The following NCK2 variants were observed in gnomAD, a reference collection of about 807,000 sequenced individuals.
NCK2 encodes the protein cytoplasmic protein NCK2.
A neutral mutation model predicts 33.9 loss-of-function variants in NCK2; 16 were observed. The ratio of observed to expected loss-of-function variants is 0.47; its 90% CI spans 0.32 to 0.72. The LOEUF is 0.72. NCK2 is among the 30% of genes least tolerant of loss of function. The pLI, the probability that NCK2 is intolerant of heterozygous loss-of-function variation, is 0.03. For synonymous variants in NCK2, 273 were observed against 239.9 expected, an observed-to-expected ratio of 1.14 and a Z score of -1.27; for missense variants, 418 against 537.3, an observed-to-expected ratio of 0.78 and a Z score of 2.19.
In NCK2 at chr2:105,881,963, G is replaced by A; in HGVS notation, c.862G>A (p.Gly288Arg). The A allele has an allele frequency of 1.3e-6, 2 of 1,537,200 alleles. No individual in the cohort carries two copies. The highest frequency in any genetic ancestry group is 1.3e-5 in the South Asian group (1 of 77,964). Reference protein sequence around the residue: ...GRFAGREWYYGNVTRHQAECA... With the variant: ...GRFAGREWYYRNVTRHQAECA... ...CTTCGCGGGCAGAGAGTGGTACTAC[G>A]GGAACGTGACGCGGCACCAGGCCGA... Residue 288 changes from glycine (G) to arginine (R), a missense_variant, in exon 4 of 5, where the codon GGG (glycine) becomes AGG (arginine). Transcript: ENST00000233154.
intron 1 of NCK2, among the ~76,000 whole-genome samples, chr2:105,767,313 A>G (rs1237853219): frequency 6.6e-6 from 1 of 152,194 alleles, no homozygotes; most frequent in Non-Finnish European, 1.5e-5. Context: ...ATGAGCTTAG[A>G]AGCCTAACAG....
At chr2:105,850,005 T>C (rs1445354692) in intron 2 of NCK2, among the ~76,000 whole-genome samples, 1 of 152,152 alleles carries the variant, frequency 6.6e-6, no homozygotes, top group Non-Finnish European at 1.5e-5. Context: ...CCCACACCTA[T>C]ATAAATGTTA....
At position 105,881,359 on chromosome 2, in the gene NCK2, G is replaced by A. The variant is rs142427776; in HGVS notation, c.258G>A (p.Ala86=). Residue 86 remains alanine, a synonymous_variant, in exon 4 of 5, where the codon GCG becomes GCA. Transcript: ENST00000233154. ...GLGKTRRKTS[A]RDASPTPSTD... ...GCAAGACGCGCAGGAAGACCAGCGC[G>A]CGGGATGCGTCCCCCACGCCCAGCA... 4.4e-6 allele frequency: 7 copies of A among 1,606,178 alleles called. No homozygotes were observed. Among genetic ancestry groups the A allele is most frequent in the Non-Finnish European group, 5.9e-6 (7 of 1,178,762 alleles).
At chr2:105,852,592 C>T (rs987951653) in intron 2 of NCK2, among the ~76,000 whole-genome samples, 1 of 152,164 alleles carries the variant, frequency 6.6e-6, no homozygotes, top group African/African-American at 2.4e-5. Flanking sequence ...TAATAAACAG[C>T]TTTGATTGGC....
intron 1 of NCK2, among the ~76,000 whole-genome samples, chr2:105,812,267 T>G (rs576237753): frequency 4.6e-5 from 7 of 152,184 alleles, no homozygotes; most frequent in Non-Finnish European, 1.0e-4. Context: ...ACAGCTGAGG[T>G]CATCTCCTTG....
intron 3 of NCK2, among the ~76,000 whole-genome samples, chr2:105,878,984 TTTG>T (rs1170970903): frequency 6.6e-6 from 1 of 152,158 alleles, no homozygotes; most frequent in East Asian, 1.9e-4. Flanking sequence ...ATTACTGTAT[TTTG>T]TTTTTGAAAG....
At chr2:105,766,813 A>G (rs1029435159) in intron 1 of NCK2, among the ~76,000 whole-genome samples, 8 of 152,168 alleles carry the variant, frequency 5.3e-5, no homozygotes, top group African/African-American at 1.9e-4. Context: ...GTTCCCTCCA[A>G]ACTATTTCCA....
intron 3 of NCK2, among the ~76,000 whole-genome samples, chr2:105,861,642 G>C (rs1677539284): frequency 6.6e-6 from 1 of 151,140 alleles, no homozygotes; most frequent in South Asian, 2.1e-4. Context: ...AGCCTCCCTA[G>C]TAGCTGGGAC....
At chr2:105,803,620 C>T (rs1202780659) in intron 1 of NCK2, among the ~76,000 whole-genome samples, 1 of 149,642 alleles carries the variant, frequency 6.7e-6, no homozygotes, top group East Asian at 1.9e-4. Context: ...AGTCCTCATG[C>T]CCCTGCATCA....
intron 4 of NCK2, among the ~76,000 whole-genome samples, chr2:105,884,349 G>T (rs531683563): frequency 2.6e-5 from 4 of 152,142 alleles, no homozygotes; most frequent in African/African-American, 9.7e-5. Flanking sequence ...GAGCCCTTAG[G>T]TTCATGATCT....
At chr2:105,854,882 G>A (rs1180099022) in intron 2 of NCK2, 166 bp from the exon 3 acceptor site, 2 of 577,018 alleles carry the variant, frequency 3.5e-6, no homozygotes, top group Non-Finnish European at 3.2e-6. Context: ...AAATACTAAA[G>A]CTTGTTGAAA....
In NCK2 at chr2:105,881,429, T is replaced by G. The variant is rs1285252783; in HGVS notation, c.328T>G (p.Tyr110Asp). ...PANGSGADRIYDLNIPAFVKF... is the reference protein window; with the variant it reads ...PANGSGADRIDDLNIPAFVKF... ...CAATGGCAGCGGCGCCGACCGCATC[T>G]ACGACCTCAACATCCCGGCCTTCGT... The change falls in exon 4 of 5, where the codon TAC becomes GAC. Residue 110 changes from tyrosine to aspartate, a missense_variant. Physicochemically the swap from Tyr to Asp is radical, Grantham distance 160 (BLOSUM62 -3). Coordinates refer to ENST00000233154, the MANE Select transcript of NCK2 (RefSeq NM_003581.5). The G allele has an allele frequency of 6.2e-7, 1 of 1,613,222 alleles. No homozygotes were observed.
intron 1 of NCK2, among the ~76,000 whole-genome samples, chr2:105,785,930 T>A (rs1690665799): frequency 6.6e-6 from 1 of 152,206 alleles, no homozygotes; most frequent in South Asian, 2.1e-4. Context: ...GCCCAAATTA[T>A]TTAACTTGGG....
chr2:105,835,405 ACG>A (rs1244994586), intron 2 of NCK2, among the ~76,000 whole-genome samples: 221 of 37,590 alleles, frequency 5.9e-3, no homozygotes, highest in Non-Finnish European at 0.01. Context: ...ATATATATAT[ACG>A]TGTATATATA....
chr2:105,758,183 AT>A (rs965757405), intron 1 of NCK2, among the ~76,000 whole-genome samples: 29 of 151,068 alleles, frequency 1.9e-4, no homozygotes, highest in South Asian at 8.4e-4. Context: ...ATACTTCCTT[AT>A]TTTTTTTTAA....
chr2:105,776,843 C>G (rs1470618641), intron 1 of NCK2, among the ~76,000 whole-genome samples: 1 of 151,968 alleles, frequency 6.6e-6, no homozygotes, highest in African/African-American at 2.4e-5. Context: ...GCTGACCTCA[C>G]TTTTCAGATA....
intron 4 of NCK2, 118 bp from the exon 5 acceptor site, chr2:105,892,864 A>T: frequency 1.4e-6 from 1 of 722,300 alleles, no homozygotes; most frequent in Non-Finnish European, 2.2e-6. Context: ...AAAAAAAAGC[A>T]GAGACCCAGT....
intron 2 of NCK2, among the ~76,000 whole-genome samples, chr2:105,835,394 T>TATATAC (rs1198640372): frequency 0.017 from 952 of 55,072 alleles, 38 homozygotes; most frequent in East Asian, 0.046. Context: ...TACACATATA[T>TATATAC]ATATATATAT....
At chr2:105,833,459 TG>T (rs1558860844) in intron 2 of NCK2, among the ~76,000 whole-genome samples, 1 of 152,186 alleles carries the variant, frequency 6.6e-6, no homozygotes, top group Non-Finnish European at 1.5e-5. Context: ...TTGTTTTCCT[TG>T]GGTTTTCTAA....
Sources: allele counts gnomAD v4.1 joint callset (sites outside exome capture counted in the v4.1 genomes callset), GRCh38; gene constraint gnomAD v4.1.1; transcripts MANE v1.5; gene names NCBI Gene and HGNC (gene_info 2026-07-23, HGNC 2026-07-21).